The following WDR7 variants were observed in gnomAD, a reference collection of about 807,000 sequenced individuals.
WDR7 encodes WD repeat-containing protein 7.
In WDR7, 46 loss-of-function variants were observed where a neutral mutation model predicts 169.4. The observed-to-expected ratio is 0.27, with a 90% CI of 0.21 to 0.35. The LOEUF (loss-of-function observed/expected upper bound fraction) is 0.35, where lower values mean the gene tolerates loss of function less well. WDR7 is among the 10% of genes least tolerant of loss of function. WDR7 has a pLI of 1.00. For synonymous variants in WDR7, 612 were observed against 666.8 expected (o/e 0.92, Z 1.27); for missense variants, 1,534 against 1,859.3 (o/e 0.83, Z 3.22).
At chr18:56,834,181 A>G (rs2045360144) in intron 20 of WDR7, among the ~76,000 whole-genome samples, 1 of 152,228 alleles carries the variant, frequency 6.6e-6, no homozygotes, top group Admixed American at 6.5e-5. Flanking sequence ...AAGACAGCAC[A>G]ACAATCTCTC....
At chr18:56,944,313 A>T (rs551430292) in intron 25 of WDR7, among the ~76,000 whole-genome samples, 1 of 152,002 alleles carries the variant, frequency 6.6e-6, no homozygotes, top group East Asian at 1.9e-4. Context: ...TCTCATGTGC[A>T]CCTGGGTTTT....
chr18:56,710,827 A>C (rs1419543070), intron 12 of WDR7, among the ~76,000 whole-genome samples: 1 of 152,224 alleles, frequency 6.6e-6, no homozygotes, highest in Non-Finnish European at 1.5e-5. Flanking sequence ...GGTTGTTATG[A>C]GACTGTAATG....
intron 12 of WDR7, among the ~76,000 whole-genome samples, chr18:56,713,662 C>T (rs2026131000): frequency 6.6e-6 from 1 of 151,836 alleles, no homozygotes; most frequent in Non-Finnish European, 1.5e-5. Flanking sequence ...GGTGACTTTT[C>T]GAGGTTGAAA....
chr18:56,844,383 A>T (rs1168550008), intron 20 of WDR7, among the ~76,000 whole-genome samples: 2 of 152,146 alleles, frequency 1.3e-5, no homozygotes, highest in Non-Finnish European at 2.9e-5. Flanking sequence ...ATTTTTCCTC[A>T]TTGGTATACA....
At chr18:56,692,007 C>T (rs1315920937) in intron 9 of WDR7, among the ~76,000 whole-genome samples, 190 bp downstream of exon 9, 1 of 152,090 alleles carries the variant, frequency 6.6e-6, no homozygotes, top group African/African-American at 2.4e-5. Flanking sequence ...TATAATATGC[C>T]TATGAAATAA....
chr18:56,710,314 T>G (rs2026059549), intron 12 of WDR7, among the ~76,000 whole-genome samples: 1 of 152,154 alleles, frequency 6.6e-6, no homozygotes, highest in African/African-American at 2.4e-5. Flanking sequence ...ATTAATATAT[T>G]TTGATACACG....
intron 20 of WDR7, among the ~76,000 whole-genome samples, chr18:56,823,778 G>A (rs191174375): frequency 2.0e-5 from 3 of 152,156 alleles, no homozygotes; most frequent in Non-Finnish European, 4.4e-5. Context: ...GTAAGTTCTT[G>A]TAAAATGTGC....
intron 26 of WDR7, among the ~76,000 whole-genome samples, chr18:57,011,585 C>T (rs1462061505): frequency 1.3e-5 from 2 of 152,136 alleles, no homozygotes; most frequent in Non-Finnish European, 2.9e-5. Context: ...TGGAAAATGC[C>T]AAAACAGGTT....
intron 26 of WDR7, among the ~76,000 whole-genome samples, chr18:56,975,369 A>G (rs73444877): frequency 0.088 from 13,405 of 152,156 alleles, 1,849 homozygotes; most frequent in African/African-American, 0.3. Context: ...AGCTGATGGT[A>G]CATTCCAGGG....
chr18:57,009,950 A>T (rs2048115163), intron 26 of WDR7: 20 of 985,376 alleles, frequency 2.0e-5, no homozygotes, highest in Non-Finnish European at 2.4e-5. Flanking sequence ...ATCAAAACCC[A>T]CGAAAATGCC....
intron 26 of WDR7, among the ~76,000 whole-genome samples, chr18:57,014,134 T>C (rs988776035): frequency 6.6e-6 from 1 of 152,046 alleles, no homozygotes; most frequent in Non-Finnish European, 1.5e-5. Flanking sequence ...AAGACCAGCC[T>C]GGCCAACTTG....
At chr18:56,903,937 G>T (rs1327438238) in intron 21 of WDR7, among the ~76,000 whole-genome samples, 1 of 152,108 alleles carries the variant, frequency 6.6e-6, no homozygotes, top group African/African-American at 2.4e-5. Flanking sequence ...GCTATTCAGA[G>T]AATTTTTTAT....
intron 19 of WDR7, among the ~76,000 whole-genome samples, chr18:56,812,964 G>A (rs1396825384): frequency 4.0e-5 from 6 of 148,974 alleles, no homozygotes; most frequent in Non-Finnish European, 7.4e-5. Flanking sequence ...CTTAATCATA[G>A]GTGGGAATTG....
chr18:56,794,839 A>G (rs895987493), intron 19 of WDR7, among the ~76,000 whole-genome samples: 2 of 152,174 alleles, frequency 1.3e-5, no homozygotes, highest in Non-Finnish European at 2.9e-5. Context: ...CTATCAATCA[A>G]TCATCTACTT....
At chr18:56,901,545 GTCCCATCGC>G (rs1433787304) in intron 21 of WDR7, among the ~76,000 whole-genome samples, 1 of 152,138 alleles carries the variant, frequency 6.6e-6, no homozygotes, top group East Asian at 1.9e-4. Flanking sequence ...GCCTAGTAAT[GTCCCATCGC>G]TTACCTAGTA....
chr18:56,657,460 G>T (rs2024802470), intron 1 of WDR7, among the ~76,000 whole-genome samples: 1 of 152,106 alleles, frequency 6.6e-6, no homozygotes, highest in South Asian at 2.1e-4. Context: ...TTAAATTATG[G>T]AGTTAGTGAG....
chr18:56,916,386 C>A (rs939241510), intron 21 of WDR7, among the ~76,000 whole-genome samples: 2 of 151,604 alleles, frequency 1.3e-5, no homozygotes, highest in Admixed American at 6.6e-5. Context: ...TCTGTCCTTG[C>A]GATAGTTTGC....
At chr18:56,943,779 C>T (rs2047063703) in intron 25 of WDR7, among the ~76,000 whole-genome samples, 1 of 151,776 alleles carries the variant, frequency 6.6e-6, no homozygotes, top group Admixed American at 6.6e-5. Flanking sequence ...AATATAGTAT[C>T]CTGAAGTCAT....
chr18:56,972,932 C>T (rs1401442588), intron 26 of WDR7, among the ~76,000 whole-genome samples: 6 of 152,122 alleles, frequency 3.9e-5, no homozygotes, highest in African/African-American at 9.7e-5. Context: ...CGTGCAATCT[C>T]GGCTCACTGC....
Sources: allele counts gnomAD v4.1 joint callset (sites outside exome capture counted in the v4.1 genomes callset), GRCh38; gene constraint gnomAD v4.1.1; transcripts MANE v1.5; gene names NCBI Gene and HGNC (gene_info 2026-07-23, HGNC 2026-07-21).